The following GHR variants were observed in gnomAD, a reference collection of about 807,000 sequenced individuals.
GHR encodes growth hormone receptor.
GHR carries 35 observed loss-of-function variants against 67.1 expected under a neutral mutation model. That is an observed-to-expected ratio of 0.52 (90% confidence interval 0.40 to 0.69). The LOEUF is 0.69. GHR is among the 30% of genes least tolerant of loss of function. The pLI is 0.00. For synonymous variants in GHR, 272 were observed against 269.1 expected, an observed-to-expected ratio of 1.01 and a Z score of -0.10; for missense variants, 792 against 764.6, an observed-to-expected ratio of 1.04 and a Z score of -0.42.
rs142032549 is a variant in GHR at position 42,500,323 on chromosome 5, G to C, written c.-11-65541G>C. On this transcript the variant is annotated intron_variant, in intron 1 of 9. Coordinates refer to ENST00000230882, the MANE Select transcript of GHR (RefSeq NM_000163.5). ...CATGGATTATTATTTTGCAGCTTCT[G>C]TAGCTGCGGTTAAAACAAAGCTCTG... 2.6e-4 allele frequency among the ~76,000 whole-genome samples: 40 copies of C among 152,366 alleles called. 1 individual carries two copies. Among genetic ancestry groups the C allele is most frequent in the Non-Finnish European group, 3.5e-4 (24 of 68,038 alleles).
chr5:42,626,148 G>C (rs1753691013), intron 2 of GHR, among the ~76,000 whole-genome samples: 2 of 152,066 alleles, frequency 1.3e-5, no homozygotes, highest in African/African-American at 4.8e-5. Flanking sequence ...TTCTTCAGTG[G>C]GACACCAACT....
chr5:42,714,904 G>A (rs76449735), intron 8 of GHR, among the ~76,000 whole-genome samples: 1,801 of 152,180 alleles, frequency 0.012, 43 homozygotes, highest in African/African-American at 0.042. Context: ...ATAAACTCAC[G>A]AGGTATGTAA....
At chr5:42,599,086 G>A (rs1000213587) in intron 2 of GHR, among the ~76,000 whole-genome samples, 3 of 152,124 alleles carry the variant, frequency 2.0e-5, no homozygotes, top group Non-Finnish European at 4.4e-5. Flanking sequence ...TTGAAATATT[G>A]GGCTCTTTAC....
At chr5:42,614,553 G>A (rs1255431803) in intron 2 of GHR, among the ~76,000 whole-genome samples, 2 of 130,824 alleles carry the variant, frequency 1.5e-5, no homozygotes, top group Middle Eastern at 3.5e-3. Context: ...ATAGGCCATA[G>A]AGGACATTTT....
chr5:42,553,197 G>A (rs1270654247), intron 1 of GHR, among the ~76,000 whole-genome samples: 1 of 152,118 alleles, frequency 6.6e-6, no homozygotes, highest in Non-Finnish European at 1.5e-5. Context: ...GAGAAGTCTG[G>A]GCACACCATG....
chr5:42,492,440 A>G (rs1746154849), intron 1 of GHR, among the ~76,000 whole-genome samples: 1 of 152,140 alleles, frequency 6.6e-6, no homozygotes, highest in Non-Finnish European at 1.5e-5. Context: ...CTTTCTGTGA[A>G]TGCATGTTCA....
intron 1 of GHR, among the ~76,000 whole-genome samples, chr5:42,534,514 A>G (rs941505599): frequency 7.0e-6 from 1 of 142,668 alleles, no homozygotes; most frequent in Non-Finnish European, 1.5e-5. Context: ...ACATATGTAT[A>G]TGTGTATATA....
chr5:42,689,988 T>C (rs909194217), intron 4 of GHR, among the ~76,000 whole-genome samples: 2 of 152,236 alleles, frequency 1.3e-5, no homozygotes, highest in African/African-American at 4.8e-5. Flanking sequence ...GTTTATTTCT[T>C]CCCCTTCACC....
chr5:42,547,516 G>GTAT (rs1748793783), intron 1 of GHR, among the ~76,000 whole-genome samples: 1 of 152,056 alleles, frequency 6.6e-6, no homozygotes, highest in Admixed American at 6.6e-5. Context: ...TTCACTAAAT[G>GTAT]TTTAGTATTT....
At chr5:42,703,274 T>G (rs1420237913) in intron 6 of GHR, among the ~76,000 whole-genome samples, 1 of 152,104 alleles carries the variant, frequency 6.6e-6, no homozygotes, top group East Asian at 1.9e-4. Flanking sequence ...CTTCTGCATA[T>G]GGATGTCCAA....
chr5:42,617,848 GA>G (rs2112700135), intron 2 of GHR, among the ~76,000 whole-genome samples: 2 of 152,092 alleles, frequency 1.3e-5, no homozygotes, highest in East Asian at 3.9e-4. Flanking sequence ...TTCAAACAAG[GA>G]AACAAAATTT....
intron 1 of GHR, among the ~76,000 whole-genome samples, chr5:42,533,745 G>A (rs549081904): frequency 6.6e-6 from 1 of 150,918 alleles, no homozygotes; most frequent in African/African-American, 2.4e-5. Flanking sequence ...GGTTACTTTA[G>A]TGGTGATTTG....
At chr5:42,549,673 G>A (rs1161964468) in intron 1 of GHR, 3 of 985,332 alleles carry the variant, frequency 3.0e-6, no homozygotes, top group East Asian at 1.1e-4. Flanking sequence ...GAAAGGGGAG[G>A]TTTGTGGAAA....
intron 1 of GHR, among the ~76,000 whole-genome samples, chr5:42,516,299 G>A (rs569511521): frequency 2.8e-4 from 43 of 152,216 alleles, no homozygotes; most frequent in African/African-American, 9.9e-4. Context: ...AATTTCTTAG[G>A]TGTCATTGCT....
At chr5:42,473,202 G>A (rs1393939807) in intron 1 of GHR, among the ~76,000 whole-genome samples, 1 of 152,062 alleles carries the variant, frequency 6.6e-6, no homozygotes, top group Non-Finnish European at 1.5e-5. Context: ...TTAACAATGA[G>A]GCCTTATCAT....
rs1749293116 is a variant in GHR at position 42,556,103 on chromosome 5, T to C, written c.-11-9761T>C. Among the ~76,000 whole-genome samples, 3 of 152,134 alleles carry C rather than the reference T, an allele frequency of 2.0e-5. 1 individual carries two copies. The South Asian group carries it at 6.2e-4, about 31-fold the overall frequency. On this transcript the variant is annotated intron_variant, in intron 1 of 9. Transcript: ENST00000230882. ...TTACCTTCAAAGAATAACTTTACCA[T>C]GTTGGACTCGATAAAAGGAAAGAGG...
intron 1 of GHR, among the ~76,000 whole-genome samples, chr5:42,481,153 GT>G (rs1435977769): frequency 6.6e-6 from 1 of 151,086 alleles, no homozygotes; most frequent in African/African-American, 2.4e-5. Flanking sequence ...ATGAAGCTTA[GT>G]TTGGCTGGAT....
chr5:42,719,357 C>T lies in GHR; in HGVS notation c.1850C>T (p.Pro617Leu). Residue 617 changes from proline to leucine, a missense_variant, in exon 10 of 10, where the codon CCT becomes CTT. By Grantham distance (98) the Pro-to-Leu change is moderately conservative. Coordinates refer to ENST00000230882, the MANE Select transcript of GHR (RefSeq NM_000163.5). The stretch of plus-strand genomic sequence containing the variant: ...CTCAATGCGACTGCCTTGCCCTTGC[C>T]TGACAAAGAGTTTCTCTCATCATGT... ...LILNATALPL[P>L]DKEFLSSCGY... is the part of the protein sequence containing the mutation. The T allele has an allele frequency of 6.2e-7, 1 of 1,613,990 alleles. No individual in the cohort carries two copies. Among genetic ancestry groups the T allele is most frequent in the Non-Finnish European group, 8.5e-7 (1 of 1,179,860 alleles).
chr5:42,499,872 G>A lies in GHR; in HGVS notation c.-11-65992G>A, dbSNP rs190712622. ...GTCACAAACTTGGAAAGCCTGTGGT[G>A]TCTTGGAAGGTCACATAAATGTGTG... On this transcript the variant is annotated intron_variant, in intron 1 of 9. Transcript: ENST00000230882. Among the ~76,000 whole-genome samples, 37 of 152,210 alleles carry A rather than the reference G, an allele frequency of 2.4e-4. 1 individual carries two copies. The highest frequency in any genetic ancestry group is 4.6e-4 in the Non-Finnish European group (31 of 68,038).
Sources: gnomAD v4.1 joint callset for allele counts (sites outside exome capture counted in the v4.1 genomes callset) on GRCh38, gnomAD v4.1.1 for gene constraint, MANE v1.5 for transcripts, NCBI Gene and HGNC (gene_info 2026-07-23, HGNC 2026-07-21) for gene names.